ALK: variants seen among roughly 807,000 people sequenced by gnomAD.
The protein encoded by ALK is ALK receptor tyrosine kinase.
In ALK, 74 loss-of-function variants were observed where a neutral mutation model predicts 163.1. The ratio of observed to expected loss-of-function variants is 0.45; its 90% CI spans 0.38 to 0.55. The LOEUF is 0.55. ALK is among the 20% of genes least tolerant of loss of function. ALK has a pLI of 0.00. For synonymous variants in ALK, 960 were observed against 843.2 expected, an observed-to-expected ratio of 1.14 and a Z score of -2.40; for missense variants, 2,063 against 2,105.3, an observed-to-expected ratio of 0.98 and a Z score of 0.39.
intron 4 of ALK, among the ~76,000 whole-genome samples, chr2:29,521,553 G>A (rs1672812346): frequency 2.0e-5 from 3 of 152,216 alleles, no homozygotes; most frequent in Admixed American, 2.0e-4. Context: ...ATGCATTTCT[G>A]TAAAAGCAAG....
chr2:29,718,700 T>C (rs1053191656), intron 1 of ALK, among the ~76,000 whole-genome samples: 2 of 152,178 alleles, frequency 1.3e-5, no homozygotes, highest in Non-Finnish European at 2.9e-5. Flanking sequence ...GTTTTACAGA[T>C]GCATCAACTG....
intron 1 of ALK, among the ~76,000 whole-genome samples, chr2:29,793,774 T>C (rs1356018391): frequency 6.6e-6 from 1 of 152,200 alleles, no homozygotes; most frequent in Non-Finnish European, 1.5e-5. Flanking sequence ...ATTCCATTTA[T>C]TGAATATTCA....
chr2:29,531,935 C>T lies in ALK; in HGVS notation c.1134G>A (p.Met378Ile), dbSNP rs989538225. ...HNEAAREILL[M>I]PTPGKHGWTV... ...CTTACCCATGCTTCCCTGGAGTGGG[C>T]ATCAGGAGGATCTCTCTTGCAGCCT... The change falls in exon 4 of 29, where the codon ATG becomes ATA. Residue 378 changes from methionine (M) to isoleucine (I), a missense_variant. Physicochemically the swap from Met to Ile is conservative, Grantham distance 10. Coordinates refer to ENST00000389048, the MANE Select transcript of ALK (RefSeq NM_004304.5). The T allele has an allele frequency of 2.5e-6, 4 of 1,614,036 alleles. No homozygotes were observed. The highest frequency in any genetic ancestry group is 3.3e-5 in the Admixed American group (2 of 60,010).
chr2:29,497,579 C>T (rs537431990), intron 4 of ALK, among the ~76,000 whole-genome samples: 2 of 152,338 alleles, frequency 1.3e-5, no homozygotes, highest in South Asian at 4.1e-4. Context: ...TCTGTTGCTG[C>T]TAATCAGCAC....
At chr2:29,805,893 A>T (rs193060116) in intron 1 of ALK, among the ~76,000 whole-genome samples, 2 of 152,246 alleles carry the variant, frequency 1.3e-5, no homozygotes, top group African/African-American at 2.4e-5. Flanking sequence ...GTATCTGAGC[A>T]CTATCTTCAT....
chr2:29,574,231 T>C (rs1674459585), intron 3 of ALK, among the ~76,000 whole-genome samples: 1 of 152,200 alleles, frequency 6.6e-6, no homozygotes, highest in Non-Finnish European at 1.5e-5. Flanking sequence ...AGATTTGCTC[T>C]TACCACTGCA....
intron 4 of ALK, among the ~76,000 whole-genome samples, chr2:29,387,617 A>T (rs1010063891): frequency 1.3e-5 from 2 of 152,182 alleles, no homozygotes; most frequent in Non-Finnish European, 2.9e-5. Context: ...AAGTTCCCTA[A>T]GGGCCCTTAT....
intron 3 of ALK, among the ~76,000 whole-genome samples, chr2:29,688,048 G>A (rs544424803): frequency 6.6e-6 from 1 of 152,318 alleles, no homozygotes; most frequent in East Asian, 1.9e-4. Context: ...CTCGACTTTG[G>A]AGAGTTAGTG....
intron 18 of ALK, among the ~76,000 whole-genome samples, chr2:29,225,874 T>C (rs1663967555): frequency 6.6e-6 from 1 of 151,986 alleles, no homozygotes; most frequent in African/African-American, 2.4e-5. Flanking sequence ...CGAAAGTGGA[T>C]CTGGAAGAGA....
At chr2:29,296,234 A>G (rs1428557763) in intron 9 of ALK, among the ~76,000 whole-genome samples, 1 of 152,236 alleles carries the variant, frequency 6.6e-6, no homozygotes, top group Non-Finnish European at 1.5e-5. Flanking sequence ...TAGAGCCCAA[A>G]TAGGAACTAA....
At chr2:29,267,657 T>C (rs1665255769) in intron 11 of ALK, among the ~76,000 whole-genome samples, 2 of 152,158 alleles carry the variant, frequency 1.3e-5, no homozygotes, top group South Asian at 4.2e-4. Context: ...GAAGACCACC[T>C]TTTGTGATCA....
rs76597282 is a variant in ALK, at chr2:29,856,145, C to T, written c.667+63848G>A. Reference sequence around the variant, plus strand: ...AAAAAAATGACACAGAGTTGTCAGACGACTCATAACTCTAAGTTTCAGAAA... The same window carrying T: ...AAAAAAATGACACAGAGTTGTCAGATGACTCATAACTCTAAGTTTCAGAAA... On this transcript the variant is annotated intron_variant, in intron 1 of 28. Transcript: ENST00000389048. 5.9e-3 allele frequency among the ~76,000 whole-genome samples: 899 copies of T among 152,204 alleles called. 10 individuals are homozygous for T. Among genetic ancestry groups the T allele is most frequent in the African/African-American group, 0.02 (835 of 41,522 alleles).
At chr2:29,609,175 C>T (rs932749211) in intron 3 of ALK, among the ~76,000 whole-genome samples, 25 of 152,314 alleles carry the variant, frequency 1.6e-4, no homozygotes, top group African/African-American at 4.6e-4. Flanking sequence ...CTGCCTGCCT[C>T]GGCCTCCCAG....
intron 3 of ALK, among the ~76,000 whole-genome samples, chr2:29,645,454 CCAAATACTCT>C (rs1052553155): frequency 1.1e-4 from 16 of 152,104 alleles, no homozygotes; most frequent in African/African-American, 3.6e-4. Context: ...TTCTCAGATT[CCAAATACTCT>C]CATGGTATCA....
chr2:29,346,738 G>C (rs17007918), intron 5 of ALK, among the ~76,000 whole-genome samples: 3 of 152,164 alleles, frequency 2.0e-5, no homozygotes, highest in Non-Finnish European at 4.4e-5. Flanking sequence ...ACTGGCTCAG[G>C]GGTAAACTGT....
At chr2:29,206,300 C>A (rs145524143) in intron 26 of ALK, among the ~76,000 whole-genome samples, 4 of 151,346 alleles carry the variant, frequency 2.6e-5, no homozygotes, top group East Asian at 3.9e-4. Context: ...CTCTCTCCCC[C>A]TCTCTTGCTT....
At chr2:29,645,663 C>G (rs1030734592) in intron 3 of ALK, among the ~76,000 whole-genome samples, 2 of 152,100 alleles carry the variant, frequency 1.3e-5, no homozygotes, top group Non-Finnish European at 2.9e-5. Context: ...CATCCTGTGC[C>G]ACCACTGCTC....
intron 3 of ALK, among the ~76,000 whole-genome samples, chr2:29,541,371 T>C (rs2148166433): frequency 6.6e-6 from 1 of 152,292 alleles, no homozygotes; most frequent in East Asian, 1.9e-4. Context: ...CAGTTCACTG[T>C]AACCTCTGCC....
intron 1 of ALK, among the ~76,000 whole-genome samples, chr2:29,799,434 A>C (rs982683175): frequency 2.0e-5 from 3 of 152,208 alleles, no homozygotes; most frequent in African/African-American, 7.2e-5. Context: ...TAGGAGGCCA[A>C]GGCAGGAGAA....
Sources: gnomAD v4.1 joint callset for allele counts (sites outside exome capture counted in the v4.1 genomes callset) on GRCh38, gnomAD v4.1.1 for gene constraint, MANE v1.5 for transcripts, NCBI Gene and HGNC (gene_info 2026-07-23, HGNC 2026-07-21) for gene names.